ELMO2: variants seen among roughly 807,000 people sequenced by gnomAD.
ELMO2 encodes the protein engulfment and cell motility protein 2.
In ELMO2, 37 loss-of-function variants were observed where a neutral mutation model predicts 96.2. The observed-to-expected ratio is 0.38, with a 90% CI of 0.30 to 0.51. The LOEUF is 0.51. ELMO2 is among the 20% of genes least tolerant of loss of function. The pLI, the probability that ELMO2 is intolerant of heterozygous loss-of-function variation, is 0.88. For synonymous variants in ELMO2, 315 were observed against 329.4 expected, an observed-to-expected ratio of 0.96 and a Z score of 0.47; for missense variants, 561 against 912.6, an observed-to-expected ratio of 0.61 and a Z score of 4.96.
intron 11 of ELMO2, among the ~76,000 whole-genome samples, chr20:46,378,488 G>A (rs2059902253): frequency 6.6e-6 from 1 of 152,240 alleles, no homozygotes; most frequent in Middle Eastern, 3.2e-3. Flanking sequence ...AGAAGAGGGT[G>A]ACCAGGACAG....
At chr20:46,369,010 G>C (rs769971580) in intron 20 of ELMO2, 42 bp from the exon 21 acceptor site, 58 of 1,592,064 alleles carry the variant, frequency 3.6e-5, no homozygotes, top group Non-Finnish European at 5.2e-6. Flanking sequence ...GGAACAGCCT[G>C]GGGTCTGCAC....
rs1390490385 is a variant in ELMO2, at chr20:46,375,665, T to C, written c.930+3A>G. ...GAAAACAGCTGCCCCACTTAGCACC[T>C]ACCTGGTCATTGGGGTCCATCTTGG... On this transcript the variant is annotated splice_donor_region_variant and intron_variant, in intron 12 of 21. Transcript: ENST00000290246. The surrounding 1 kb of genome is among the most constrained non-coding windows in gnomAD (Gnocchi z 4.6). The C allele has an allele frequency of 2.5e-6, 4 of 1,613,950 alleles. 1 individual carries two copies. The African/African-American group carries it at 5.3e-5, about 22-fold the overall frequency.
chr20:46,388,911 C>A, intron 7 of ELMO2, 128 bp downstream of exon 7: 2 of 894,628 alleles, frequency 2.2e-6, no homozygotes, highest in Non-Finnish European at 3.4e-6. Context: ...TAGTGCTTGG[C>A]ACACTGCTCT....
chr20:46,374,098 GTTTTTTTTTTTTTTT>G (rs60843274), intron 15 of ELMO2, among the ~76,000 whole-genome samples: 2 of 63,030 alleles, frequency 3.2e-5, no homozygotes, highest in Admixed American at 2.1e-4. Context: ...CTAATTTTTG[GTTTTTTTTTTTTTTT>G]TTTTTTTTTT....
chr20:46,372,029 T>A (rs2059727431), intron 16 of ELMO2, 60 bp from the exon 17 acceptor site: 1 of 1,601,322 alleles, frequency 6.2e-7, no homozygotes, highest in Middle Eastern at 2.2e-4. Context: ...GACAGGCCTA[T>A]TATGGAGCAC....
At chr20:46,394,013 C>G in intron 4 of ELMO2, 36 bp downstream of exon 4, 2 of 1,613,730 alleles carry the variant, frequency 1.2e-6, no homozygotes, top group South Asian at 2.2e-5. Context: ...TCAGTCGGAG[C>G]TGCCACTGTT....
intron 6 of ELMO2, among the ~76,000 whole-genome samples, chr20:46,390,134 C>T (rs1175888167): frequency 6.6e-6 from 1 of 152,060 alleles, no homozygotes; most frequent in Non-Finnish European, 1.5e-5. Context: ...GCCTGGGCAA[C>T]AGAGTGAGAC....
At chr20:46,402,305 C>G (rs945200440) in intron 1 of ELMO2, among the ~76,000 whole-genome samples, 1 of 152,216 alleles carries the variant, frequency 6.6e-6, no homozygotes, top group Non-Finnish European at 1.5e-5. Context: ...CAGAATTCCA[C>G]AGGAAAATTC....
At chr20:46,374,111 T>C (rs1310544775) in intron 15 of ELMO2, among the ~76,000 whole-genome samples, 2 of 145,824 alleles carry the variant, frequency 1.4e-5, no homozygotes, top group Admixed American at 1.4e-4. Flanking sequence ...TTTTTTTTTT[T>C]TTTTTTTTTT....
chr20:46,386,621 C>T (rs2060049305), intron 8 of ELMO2, among the ~76,000 whole-genome samples: 1 of 152,224 alleles, frequency 6.6e-6, no homozygotes, highest in Non-Finnish European at 1.5e-5. Context: ...TGTACCTCCC[C>T]TGACACACAC....
intron 21 of ELMO2, 125 bp from the exon 22 acceptor site, chr20:46,367,685 G>C: frequency 1.8e-6 from 1 of 544,760 alleles, no homozygotes; most frequent in East Asian, 3.4e-5. Context: ...AGGCAAAACT[G>C]ATTTGGAATG....
chr20:46,389,347 T>TA, intron 6 of ELMO2, 127 bp from the exon 7 acceptor site: 1 of 892,346 alleles, frequency 1.1e-6, no homozygotes, highest in Non-Finnish European at 1.7e-6. Flanking sequence ...TCACACAGCT[T>TA]AGGAGTTGCT....
intron 16 of ELMO2, chr20:46,373,108 T>G: frequency 5.7e-6 from 2 of 349,848 alleles, no homozygotes; most frequent in Non-Finnish European, 5.3e-6. Flanking sequence ...TAAACCACAG[T>G]GAGTCTTCTA....
intron 1 of ELMO2, among the ~76,000 whole-genome samples, chr20:46,403,494 ACACTGCAAAGTAC>A (rs2060369089): frequency 6.6e-6 from 1 of 152,226 alleles, no homozygotes; most frequent in South Asian, 2.1e-4. Context: ...AGGGTCTGTA[ACACTGCAAAGTAC>A]CACCTTGCCT....
intron 6 of ELMO2, 39 bp from the exon 7 acceptor site, chr20:46,389,259 T>C: frequency 6.3e-7 from 1 of 1,592,486 alleles, no homozygotes; most frequent in Non-Finnish European, 8.6e-7. Flanking sequence ...ATCTGCTCCT[T>C]GGAGCAGGTT....
At position 46,387,386 on chromosome 20, in the gene ELMO2, G is replaced by C; in HGVS notation, c.477C>G (p.Asp159Glu). Residue 159 changes from aspartate to glutamate, a missense_variant, in exon 8 of 22, where the codon GAC (aspartate) becomes GAG (glutamate). Asp to Glu is a conservative substitution (Grantham distance 45, BLOSUM62 2). Coordinates refer to ENST00000290246, the MANE Select transcript of ELMO2 (RefSeq NM_133171.5). The stretch of plus-strand genomic sequence containing the variant: ...CCATGTCCCAGGAGACAATGCCATG[G>C]TCCATGAGCTCTAGGAAGGCAGTCA... ...FTLTAFLELM[D>E]HGIVSWDMVS... The C allele has an allele frequency of 6.2e-7, 1 of 1,614,030 alleles. No individual in the cohort carries two copies. Among genetic ancestry groups the C allele is most frequent in the Non-Finnish European group, 8.5e-7 (1 of 1,179,984 alleles).
rs757057713 is a variant in ELMO2 at position 46,371,679 on chromosome 20, C to T, written c.1593G>A (p.Glu531=). The T allele has an allele frequency of 6.2e-7, 1 of 1,613,920 alleles. No homozygotes were observed. The highest frequency in any genetic ancestry group is 8.5e-7 in the Non-Finnish European group (1 of 1,180,042). The change falls in exon 18 of 22, where the codon GAG becomes GAA. Residue 531 remains glutamate (E), a synonymous_variant. Transcript: ENST00000290246. This position sits in a 1 kb window ranked among gnomAD's most constrained non-coding sequence, Gnocchi z 5.9. ...GCTCAAGGATCTCGGGCTGGATCTT[C>T]TCCCTCAGCTCCCTGGGGTGGACAC... is the stretch of plus-strand genomic sequence containing the variant. ...FQSPPIVELR[E]KIQPEILELI...
At position 46,383,469 on chromosome 20, in the gene ELMO2, C is replaced by T. The variant is rs764442046; in HGVS notation, c.703G>A (p.Ala235Thr). The T allele has an allele frequency of 6.8e-6, 11 of 1,613,932 alleles. No individual in the cohort carries two copies. The highest frequency in any genetic ancestry group is 1.6e-4 in the Middle Eastern group (1 of 6,084). The change falls in exon 10 of 22, where the codon GCC becomes ACC. Residue 235 changes from alanine to threonine, a missense_variant. Ala to Thr is a moderately conservative substitution (Grantham distance 58). Coordinates refer to ENST00000290246, the MANE Select transcript of ELMO2 (RefSeq NM_133171.5). Reference sequence around the variant, plus strand: ...AAAAGTGCATTAATCAGTGCAATGGCGTAGGTCTGAATCTCCTGGTTGGAG... The same window carrying T: ...AAAAGTGCATTAATCAGTGCAATGGTGTAGGTCTGAATCTCCTGGTTGGAG... The part of the protein sequence containing the change: ...QVSNQEIQTY[A>T]IALINALFLK...
rs41307167 is a variant in ELMO2 at position 46,366,957 on chromosome 20, C to G, written c.*403G>C. On this transcript the variant is annotated 3_prime_UTR_variant, in exon 22 of 22. Transcript: ENST00000290246. ...TCTCAACACGCCCAACACACCTGTC[C>G]TCTGCAGGCAGCCTTTCCTGGGCCA... 1 of 166,280 alleles carries G rather than the reference C, an allele frequency of 6.0e-6. No homozygotes were observed. The highest frequency in any genetic ancestry group is 2.4e-5 in the African/African-American group (1 of 41,890). 10.3% of individuals were successfully genotyped at this position (166,280 alleles called of 1,614,324 possible). A position where few individuals can be genotyped will look rare whatever the true frequency, so the allele number is the denominator to read the frequency against.
Sources: allele counts gnomAD v4.1 joint callset (sites outside exome capture counted in the v4.1 genomes callset), GRCh38; gene constraint gnomAD v4.1.1; non-coding constraint Gnocchi (gnomAD v3.1); transcripts MANE v1.5; gene names NCBI Gene and HGNC (gene_info 2026-07-23, HGNC 2026-07-21).